Variants in PITPNA observed in about 807,000 individuals in gnomAD.
PITPNA encodes phosphatidylinositol transfer protein alpha isoform.
In PITPNA, 13 loss-of-function variants were observed where a neutral mutation model predicts 50.3. The observed-to-expected ratio is 0.26, with a 90% CI of 0.17 to 0.41. The LOEUF (loss-of-function observed/expected upper bound fraction) is 0.41. PITPNA is among the 10% of genes least tolerant of loss of function. The pLI is 1.00. For missense variants in PITPNA, 207 were observed against 333.4 expected (o/e 0.62, Z 2.95); for synonymous variants, 120 against 119.6 (o/e 1.00, Z -0.02).
chr17:1,533,907 C>T (rs967992034), intron 10 of PITPNA, among the ~76,000 whole-genome samples, 192 bp downstream of exon 10: 2 of 152,194 alleles, frequency 1.3e-5, no homozygotes, highest in African/African-American at 4.8e-5. Context: ...TTCAACTCAA[C>T]TGTCAATTCA....
At chr17:1,540,186 C>G (rs572518109) in intron 6 of PITPNA, among the ~76,000 whole-genome samples, 1 of 151,636 alleles carries the variant, frequency 6.6e-6, no homozygotes, top group African/African-American at 2.4e-5. Context: ...CATGCTGACC[C>G]GCTGTAAAGA....
rs2075494398 is a variant in PITPNA at position 1,519,305 on chromosome 17, A to G, written c.*1256T>C. 1 of 152,138 alleles carries G rather than the reference A, an allele frequency of 6.6e-6. No individual in the cohort carries two copies. The highest frequency in any genetic ancestry group is 2.4e-5 in the African/African-American group (1 of 41,404). The allele number at this position is 152,138 out of a possible 1,614,324, so 9.4% of individuals were successfully genotyped here. ...TCAGGTGACACTACAGCTCTCTCTC[A>G]TTCTCCCACTAAGAGGCAAACTCAG... On this transcript the variant is annotated 3_prime_UTR_variant, in exon 12 of 12. Coordinates refer to ENST00000313486, the MANE Select transcript of PITPNA (RefSeq NM_006224.4).
intron 11 of PITPNA, among the ~76,000 whole-genome samples, chr17:1,521,296 G>A (rs2075510245): frequency 6.6e-6 from 1 of 152,146 alleles, no homozygotes; most frequent in African/African-American, 2.4e-5. Context: ...GGATCAAGCT[G>A]GCAGACAGGA....
At chr17:1,543,207 A>G (rs1477311523) in intron 4 of PITPNA, among the ~76,000 whole-genome samples, 180 bp from the exon 5 acceptor site, 1 of 152,240 alleles carries the variant, frequency 6.6e-6, no homozygotes, top group Middle Eastern at 3.4e-3. Context: ...ACCAACCCTC[A>G]AATTTCACTC....
chr17:1,553,276 T>C (rs918590418), intron 2 of PITPNA, 127 bp from the exon 3 acceptor site: 23 of 1,052,452 alleles, frequency 2.2e-5, no homozygotes, highest in Middle Eastern at 2.3e-4. Flanking sequence ...GGTTCTGGAG[T>C]TTCACATCAG....
At position 1,517,726 on chromosome 17, in the gene PITPNA, A is replaced by G. The variant is rs142230526; in HGVS notation, c.*2835T>C. On this transcript the variant is annotated 3_prime_UTR_variant, in exon 12 of 12. Coordinates refer to ENST00000313486, the MANE Select transcript of PITPNA (RefSeq NM_006224.4). ...TTTTGCTTGTTTGGTAGGGTGGATA[A>G]AGAGGAAGATGTGAAGAGGAGGCAG... The G allele has an allele frequency of 1.6e-4, 25 of 152,232 alleles. No homozygotes were observed. The East Asian group carries it at 4.1e-3, about 25-fold the overall frequency. The allele number at this position is 152,232 out of a possible 1,614,324, so 9.4% of individuals were successfully genotyped here. A position where few individuals can be genotyped will look rare whatever the true frequency, so the allele number is the denominator to read the frequency against.
At chr17:1,527,372 T>A (rs940182159) in intron 10 of PITPNA, among the ~76,000 whole-genome samples, 1 of 151,994 alleles carries the variant, frequency 6.6e-6, no homozygotes, top group African/African-American at 2.4e-5. Flanking sequence ...GCCTCCCGAG[T>A]AGCTGGGATT....
intron 7 of PITPNA, among the ~76,000 whole-genome samples, chr17:1,537,571 G>T (rs983995429): frequency 6.6e-6 from 1 of 152,178 alleles, no homozygotes; most frequent in Non-Finnish European, 1.5e-5. Context: ...CACTCACACA[G>T]ATCAACCAGA....
intron 10 of PITPNA, among the ~76,000 whole-genome samples, chr17:1,525,376 TAG>T (rs1190710775): frequency 1.3e-5 from 2 of 152,160 alleles, no homozygotes; most frequent in Non-Finnish European, 2.9e-5. Context: ...GAGATGTGTA[TAG>T]AAGCTCTGAA....
At chr17:1,540,003 C>A (rs2075640218) in intron 6 of PITPNA, among the ~76,000 whole-genome samples, 1 of 152,246 alleles carries the variant, frequency 6.6e-6, no homozygotes, top group Non-Finnish European at 1.5e-5. Context: ...TCCCGCCCAG[C>A]CCCCGCTGGA....
At chr17:1,539,081 T>C (rs992174561) in intron 6 of PITPNA, 129 bp from the exon 7 acceptor site, 3 of 613,160 alleles carry the variant, frequency 4.9e-6, no homozygotes, top group Middle Eastern at 7.8e-4. Context: ...TAAGTAATTA[T>C]ACAATTACAT....
chr17:1,556,879 G>A (rs920889692), intron 2 of PITPNA, among the ~76,000 whole-genome samples: 7 of 152,112 alleles, frequency 4.6e-5, no homozygotes, highest in African/African-American at 1.7e-4. Flanking sequence ...GAGGCAGGAG[G>A]ACTACTTGAG....
intron 3 of PITPNA, among the ~76,000 whole-genome samples, chr17:1,550,785 C>T (rs754158996): frequency 7.2e-5 from 11 of 152,314 alleles, no homozygotes; most frequent in Non-Finnish European, 1.5e-4. Context: ...GCACGGACTT[C>T]GTCCTGAAGG....
chr17:1,536,454 ATTT>A (rs200916480), intron 7 of PITPNA, among the ~76,000 whole-genome samples: 1 of 151,114 alleles, frequency 6.6e-6, no homozygotes, highest in African/African-American at 2.4e-5. Flanking sequence ...TGCCCGGCTA[ATTT>A]TTTTTGTATT....
In PITPNA at chr17:1,525,085, G is replaced by A. The variant is rs541512820; in HGVS notation, c.769-3440C>T. Among the ~76,000 whole-genome samples, 865 of 151,908 alleles carry A rather than the reference G, an allele frequency of 5.7e-3. 10 individuals carry two copies. The highest frequency in any genetic ancestry group is 0.014 in the Middle Eastern group (4 of 294). Reference sequence around the variant, plus strand: ...ACTCACTGCAACCTCTGCCTCCTGGGTTCAAGCGATTCTTCTGCCTCAGCC... The same window carrying A: ...ACTCACTGCAACCTCTGCCTCCTGGATTCAAGCGATTCTTCTGCCTCAGCC... On this transcript the variant is annotated intron_variant, in intron 10 of 11. Transcript: ENST00000313486.
intron 4 of PITPNA, among the ~76,000 whole-genome samples, chr17:1,547,396 T>C (rs952861094): frequency 6.6e-6 from 1 of 152,054 alleles, no homozygotes; most frequent in South Asian, 2.1e-4. Context: ...ATATTAGTAA[T>C]CCCAGCATTC....
chr17:1,527,666 CTA>C (rs1258188544), intron 10 of PITPNA, among the ~76,000 whole-genome samples: 1 of 151,956 alleles, frequency 6.6e-6, no homozygotes, highest in Non-Finnish European at 1.5e-5. Context: ...AATTTTTTTT[CTA>C]TCTTTTGAAA....
chr17:1,541,942 G>C (rs1347706635), intron 5 of PITPNA, among the ~76,000 whole-genome samples: 1 of 152,164 alleles, frequency 6.6e-6, no homozygotes, highest in Non-Finnish European at 1.5e-5. Context: ...GCTCACGCCT[G>C]TCATCTCAGC....
chr17:1,545,239 G>A (rs1045782747), intron 4 of PITPNA, among the ~76,000 whole-genome samples: 2 of 152,166 alleles, frequency 1.3e-5, no homozygotes, highest in African/African-American at 4.8e-5. Context: ...CATTACCAGG[G>A]TGTCCCAATC....
Sources: allele counts gnomAD v4.1 joint callset (sites outside exome capture counted in the v4.1 genomes callset), GRCh38; gene constraint gnomAD v4.1.1; transcripts MANE v1.5; gene names NCBI Gene and HGNC (gene_info 2026-07-23, HGNC 2026-07-21).